TRRAP: variants seen among roughly 807,000 people sequenced by gnomAD.
The protein encoded by TRRAP is transformation/transcription domain-associated protein.
Under a neutral mutation model 438.8 loss-of-function variants are expected in TRRAP, and 41 were observed. The observed-to-expected ratio is 0.09, with a 90% CI of 0.07 to 0.12. TRRAP has a LOEUF of 0.12. TRRAP is among the 10% of genes least tolerant of loss of function. The pLI, the probability that TRRAP is intolerant of heterozygous loss-of-function variation, is 1.00. For missense variants in TRRAP, 3,122 were observed against 5,055.1 expected (o/e 0.62, Z 11.60); for synonymous variants, 1,994 against 1,962.9 (o/e 1.02, Z -0.42).
Position 99,012,506 on chromosome 7 carries a change from G to T in TRRAP, c.*151G>T, listed in dbSNP as rs1794474742. The T allele has an allele frequency of 4.2e-6, 4 of 950,554 alleles. No individual in the cohort carries two copies. The highest frequency in any genetic ancestry group is 4.6e-6 in the Non-Finnish European group (3 of 657,292). The allele number at this position is 950,554 out of a possible 1,614,324, so 58.9% of individuals were successfully genotyped here. ...TATTTTCCTGGTAGTTTGCGTGTAAGAAAGGGAGAATATAGTTTTAGAGGA... is the reference window on the plus strand; with the variant it reads ...TATTTTCCTGGTAGTTTGCGTGTAATAAAGGGAGAATATAGTTTTAGAGGA... On this transcript the variant is annotated 3_prime_UTR_variant, in exon 73 of 73. Transcript: ENST00000456197. The surrounding 1 kb of genome is among the most constrained non-coding windows in gnomAD (Gnocchi z 5.9).
In TRRAP at chr7:98,970,113, T is replaced by C. The variant is rs1562965268; in HGVS notation, c.7514T>C (p.Leu2505Pro). 1 of 1,613,714 alleles carries C rather than the reference T, an allele frequency of 6.2e-7. No homozygotes were observed. The highest frequency in any genetic ancestry group is 8.5e-7 in the Non-Finnish European group (1 of 1,179,884). The change falls in exon 52 of 73, where the codon CTG becomes CCG. Residue 2505 changes from leucine (L) to proline (P), a missense_variant and splice_region_variant. Physicochemically the swap from Leu to Pro is moderately conservative, Grantham distance 98 (BLOSUM62 -3). Coordinates refer to ENST00000456197, the MANE Select transcript of TRRAP (RefSeq NM_001375524.1). ...NHFWIKQCIE[L>P]LLAVCEKSTP... Reference sequence around the variant, plus strand: ...GTCTCCTTTCCGCACCCCTTGCAGCTGCTTCTGGCCGTGTGTGAGAAGAGC... The same window carrying C: ...GTCTCCTTTCCGCACCCCTTGCAGCCGCTTCTGGCCGTGTGTGAGAAGAGC...
Position 98,890,383 on chromosome 7 carries a change from C to G in TRRAP, c.199C>G (p.Pro67Ala). ...QYSTFLEHII[P>A]RFLTFLQDGE... ...TTCTACATTCCTAGAACATATCATC[C>G]CTCGATTCCTTACATTTCTCCAAGA... The change falls in exon 4 of 73, where the codon CCT (proline) becomes GCT (alanine). Residue 67 changes from proline (P) to alanine (A), a missense_variant. This residue lies in a region of TRRAP where 343 missense variants were observed against 564.0 expected (regional missense o/e 0.61). Coordinates refer to ENST00000456197, the MANE Select transcript of TRRAP (RefSeq NM_001375524.1). 1 of 1,606,040 alleles carries G rather than the reference C, an allele frequency of 6.2e-7. No homozygotes were observed. The highest frequency in any genetic ancestry group is 8.5e-7 in the Non-Finnish European group (1 of 1,177,624).
chr7:98,968,810 G>C (rs1419497794), intron 51 of TRRAP, among the ~76,000 whole-genome samples: 1 of 152,210 alleles, frequency 6.6e-6, no homozygotes, highest in African/African-American at 2.4e-5. Context: ...CGTGTGCAGC[G>C]TGCGTTTGGA....
At chr7:98,991,291 C>T (rs541730737) in intron 64 of TRRAP, among the ~76,000 whole-genome samples, 4 of 152,284 alleles carry the variant, frequency 2.6e-5, no homozygotes, top group African/African-American at 9.6e-5. Flanking sequence ...TGTAAAATCA[C>T]GAAGCACCGC....
intron 23 of TRRAP, 51 bp downstream of exon 23, chr7:98,927,417 G>C (rs943076460): frequency 1.9e-6 from 3 of 1,583,536 alleles, no homozygotes; most frequent in Non-Finnish European, 2.6e-6. Flanking sequence ...GACTTTTATA[G>C]GTGCTTTAAA....
rs777875184 is a variant in TRRAP at position 98,994,066 on chromosome 7, A to G, written c.10047+329A>G. 2.6e-5 allele frequency among the ~76,000 whole-genome samples: 4 copies of G among 152,184 alleles called. No individual in the cohort carries two copies. Among genetic ancestry groups the G allele is most frequent in the Non-Finnish European group, 4.4e-5 (3 of 68,044 alleles). On this transcript the variant is annotated intron_variant, in intron 66 of 72. Transcript: ENST00000456197. This position sits in a 1 kb window ranked among gnomAD's most constrained non-coding sequence, Gnocchi z 4.8. ...GCAGTGGCATGAGTAACAGGGTTATAATTTCCATAGATGGGAAATTGTAGG... is the reference window on the plus strand; with the variant it reads ...GCAGTGGCATGAGTAACAGGGTTATGATTTCCATAGATGGGAAATTGTAGG...
chr7:98,970,222 C>T lies in TRRAP; in HGVS notation c.7623C>T (p.Ala2541=), dbSNP rs746063585. ...VINLADSHDR[A]AFAMVTHVKQ... ...ACCTGGCCGATAGCCACGACCGTGC[C>T]GCCTTCGCCATGGTCACACATGTCA... The change falls in exon 52 of 73, where the codon GCC becomes GCT. Residue 2541 remains alanine (A), a synonymous_variant. Transcript: ENST00000456197. 2.5e-5 allele frequency: 40 copies of T among 1,613,634 alleles called. No individual in the cohort carries two copies. Among genetic ancestry groups the T allele is most frequent in the Admixed American group, 3.3e-5 (2 of 60,008 alleles).
intron 67 of TRRAP, among the ~76,000 whole-genome samples, chr7:99,001,230 G>A (rs906338732): frequency 6.6e-6 from 1 of 152,220 alleles, no homozygotes; most frequent in Non-Finnish European, 1.5e-5. Flanking sequence ...GTGATGTGTG[G>A]GTTGGGCTTG....
At chr7:98,891,506 C>A (rs1434246185) in intron 4 of TRRAP, among the ~76,000 whole-genome samples, 1 of 132,422 alleles carries the variant, frequency 7.6e-6, no homozygotes, top group African/African-American at 2.8e-5. Flanking sequence ...CGGCCTACCA[C>A]TTTTTCTATA....
chr7:98,930,930 G>A, intron 25 of TRRAP, 100 bp downstream of exon 25: 1 of 1,444,320 alleles, frequency 6.9e-7, no homozygotes, highest in Non-Finnish European at 9.4e-7. Context: ...TCTCCTAGCA[G>A]CATGGTGACT....
At chr7:98,917,140 C>T (rs1374704293) in intron 19 of TRRAP, among the ~76,000 whole-genome samples, 1 of 152,092 alleles carries the variant, frequency 6.6e-6, no homozygotes, top group Non-Finnish European at 1.5e-5. Context: ...GATAGTACAA[C>T]ATAATTAAAA....
At chr7:98,883,213 C>G (rs1000869035) in intron 3 of TRRAP, among the ~76,000 whole-genome samples, 23 of 152,250 alleles carry the variant, frequency 1.5e-4, no homozygotes, top group Middle Eastern at 3.4e-3. Flanking sequence ...TTCTGATCTT[C>G]TGAGAATTTT....
chr7:98,889,538 C>CT (rs72212667), intron 3 of TRRAP, among the ~76,000 whole-genome samples: 56 of 77,906 alleles, frequency 7.2e-4, no homozygotes, highest in East Asian at 2.2e-3. Flanking sequence ...TCCTATTCTC[C>CT]TTTTTTTTTT....
At chr7:98,931,307 C>G (rs1790312289) in intron 25 of TRRAP, 98 bp from the exon 26 acceptor site, 1 of 1,527,448 alleles carries the variant, frequency 6.5e-7, no homozygotes, top group South Asian at 1.3e-5. Flanking sequence ...GGGCATGGAC[C>G]CCAGTGACAG....
intron 23 of TRRAP, among the ~76,000 whole-genome samples, chr7:98,927,647 GA>G (rs1347484088): frequency 1.3e-5 from 2 of 152,200 alleles, no homozygotes; most frequent in Non-Finnish European, 2.9e-5. Flanking sequence ...AGCTGCCTGT[GA>G]AACAGACAGT....
chr7:98,908,969 G>C lies in TRRAP; in HGVS notation c.1350+7G>C. ...CCTGATGCGGATGCTGGAGGTACCA[G>C]CTCTTCTGAGAGTATCATCCATCCT... On this transcript the variant is annotated splice_region_variant and intron_variant, in intron 14 of 72. Transcript: ENST00000456197. This position sits in a 1 kb window ranked among gnomAD's most constrained non-coding sequence, Gnocchi z 4.1. 6.2e-7 allele frequency: 1 copy of C among 1,610,108 alleles called. No individual in the cohort carries two copies. Among genetic ancestry groups the C allele is most frequent in the Non-Finnish European group, 8.5e-7 (1 of 1,177,880 alleles).
At chr7:98,881,654 CAG>C in intron 2 of TRRAP, 1 of 310,236 alleles carries the variant, frequency 3.2e-6, no homozygotes, top group Non-Finnish European at 6.0e-6. Flanking sequence ...TTAATCGTAA[CAG>C]TAACTTTTAT....
intron 10 of TRRAP, among the ~76,000 whole-genome samples, chr7:98,899,971 G>A (rs782644068): frequency 6.6e-6 from 1 of 152,170 alleles, no homozygotes; most frequent in Non-Finnish European, 1.5e-5. Flanking sequence ...ATAATAGCTC[G>A]TATTCTGGTG....
intron 23 of TRRAP, among the ~76,000 whole-genome samples, chr7:98,928,203 T>A (rs1554411973): frequency 5.9e-5 from 9 of 151,822 alleles, no homozygotes; most frequent in Non-Finnish European, 2.9e-5. Flanking sequence ...GTGCCATTGT[T>A]CCAGCCTGGG....
Sources: allele counts gnomAD v4.1 joint callset (sites outside exome capture counted in the v4.1 genomes callset), GRCh38; gene constraint gnomAD v4.1.1; regional missense constraint gnomAD v4.1.1; non-coding constraint Gnocchi (gnomAD v3.1); transcripts MANE v1.5; gene names NCBI Gene and HGNC (gene_info 2026-07-23, HGNC 2026-07-21).